The following GRIA2 variants were observed in gnomAD, a reference collection of about 807,000 sequenced individuals.
GRIA2 encodes glutamate receptor 2.
GRIA2 carries 14 observed loss-of-function variants against 97.3 expected under a neutral mutation model. The observed-to-expected ratio is 0.14, with a 90% CI of 0.10 to 0.23. GRIA2 has a LOEUF of 0.23. Among genes scored for constraint, GRIA2 ranks in the 10% least tolerant of loss-of-function variants. The probability of loss-of-function intolerance (pLI) is 1.00; values close to 1 mark genes in which losing one functional copy is unlikely to be tolerated. For missense variants in GRIA2, 558 were observed against 1,069.8 expected (o/e 0.52, Z 6.67); for synonymous variants, 412 against 387.8 (o/e 1.06, Z -0.73).
chr4:157,276,301 A>G (rs1455427195), intron 2 of GRIA2, among the ~76,000 whole-genome samples: 1 of 152,124 alleles, frequency 6.6e-6, no homozygotes, highest in African/African-American at 2.4e-5. Context: ...CATGGGTCAA[A>G]GAAGAAATCT....
intron 12 of GRIA2, among the ~76,000 whole-genome samples, chr4:157,353,658 G>A (rs1433198909): frequency 6.6e-6 from 1 of 152,008 alleles, no homozygotes; most frequent in African/African-American, 2.4e-5. Flanking sequence ...ACTCCAGCCT[G>A]GGCTACAGAG....
chr4:157,359,475 T>C (rs1401387229), intron 12 of GRIA2, among the ~76,000 whole-genome samples: 1 of 152,160 alleles, frequency 6.6e-6, no homozygotes, highest in Admixed American at 6.6e-5. Context: ...ACCACTTACA[T>C]GCCTGACCAA....
chr4:157,238,574 T>A (rs1730354150), intron 2 of GRIA2, among the ~76,000 whole-genome samples: 1 of 152,154 alleles, frequency 6.6e-6, no homozygotes, highest in Non-Finnish European at 1.5e-5. Flanking sequence ...ATTTGTAAAC[T>A]TCATAGCTTC....
chr4:157,335,093 T>C (rs1735221491), intron 9 of GRIA2: 1 of 154,844 alleles, frequency 6.5e-6, no homozygotes, highest in Non-Finnish European at 1.4e-5. Context: ...TCTCTAGCTA[T>C]CCTTGTAGCA....
At chr4:157,262,697 A>G (rs755923305) in intron 2 of GRIA2, among the ~76,000 whole-genome samples, 38 of 152,132 alleles carry the variant, frequency 2.5e-4, no homozygotes, top group Middle Eastern at 6.8e-3. Flanking sequence ...CTCTTGGTAT[A>G]TATTTATCTT....
rs963700568 is a variant in GRIA2 at position 157,341,280 on chromosome 4, A to G, written c.1861A>G (p.Ile621Val). Reference sequence around the variant, plus strand: ...TGTTATTAGATCCCTCTCTGGGCGCATTGTTGGAGGTGTGTGGTGGTTCTT... The same window carrying G: ...TGTTATTAGATCCCTCTCTGGGCGCGTTGTTGGAGGTGTGTGGTGGTTCTT... Reference protein sequence around the residue: ...DISPRSLSGRIVGGVWWFFTL... With the variant: ...DISPRSLSGRVVGGVWWFFTL... The change falls in exon 12 of 16, where the codon ATT becomes GTT. Residue 621 changes from isoleucine (I) to valine (V), a missense_variant. Physicochemically the swap from Ile to Val is conservative, Grantham distance 29. Around this residue, in one of 8 missense-constraint regions of GRIA2, gnomAD observed 125 missense variants for 310.2 expected, o/e 0.40. Transcript: ENST00000264426. The G allele has an allele frequency of 6.2e-7, 1 of 1,611,522 alleles. No homozygotes were observed. Among genetic ancestry groups the G allele is most frequent in the Non-Finnish European group, 8.5e-7 (1 of 1,178,002 alleles).
intron 2 of GRIA2, among the ~76,000 whole-genome samples, chr4:157,240,697 A>C (rs1579296693): frequency 6.8e-6 from 1 of 146,270 alleles, no homozygotes; most frequent in Non-Finnish European, 1.5e-5. Flanking sequence ...TCCTTAAGTT[A>C]CTTTCTTTTT....
intron 3 of GRIA2, among the ~76,000 whole-genome samples, chr4:157,312,442 A>G (rs1398407998): frequency 1.3e-5 from 2 of 152,126 alleles, no homozygotes; most frequent in Non-Finnish European, 2.9e-5. Flanking sequence ...ATTATTTTCT[A>G]CTCAAATAAT....
chr4:157,303,479 C>A, intron 2 of GRIA2, 73 bp from the exon 3 acceptor site: 1 of 1,263,046 alleles, frequency 7.9e-7, no homozygotes, highest in South Asian at 1.3e-5. Context: ...AAGGACATTA[C>A]GTTTTAAGCA....
intron 2 of GRIA2, among the ~76,000 whole-genome samples, chr4:157,222,623 C>G (rs994406940): frequency 2.0e-5 from 3 of 152,202 alleles, no homozygotes; most frequent in Non-Finnish European, 4.4e-5. Context: ...TAGCTGGGCT[C>G]CAGCAGAGGC....
Position 157,223,524 on chromosome 4 carries a change from A to G in GRIA2, c.229+1717A>G, listed in dbSNP as rs28550688. ...ACTTAATTAAAATTTGAAGACTTCTATATTTGACCTATTTACCTAACAGAT... is the reference window on the plus strand; with the variant it reads ...ACTTAATTAAAATTTGAAGACTTCTGTATTTGACCTATTTACCTAACAGAT... On this transcript the variant is annotated intron_variant, in intron 2 of 15. Transcript: ENST00000264426. Among the ~76,000 whole-genome samples, 1,432 of 152,310 alleles carry G rather than the reference A, an allele frequency of 9.4e-3. 30 individuals are homozygous for G. Among genetic ancestry groups the G allele is most frequent in the African/African-American group, 0.033 (1,356 of 41,548 alleles).
intron 12 of GRIA2, among the ~76,000 whole-genome samples, chr4:157,355,941 TA>T (rs1736301325): frequency 8.6e-5 from 1 of 11,588 alleles, no homozygotes; most frequent in East Asian, 6.5e-3. Context: ...ATTTATATAT[TA>T]ATATATATTT....
intron 2 of GRIA2, among the ~76,000 whole-genome samples, chr4:157,237,370 C>T (rs1194217658): frequency 6.6e-6 from 1 of 151,248 alleles, no homozygotes; most frequent in African/African-American, 2.4e-5. Context: ...TCATGGCTCA[C>T]TGTAACCGCA....
chr4:157,240,089 C>A (rs1410820706), intron 2 of GRIA2, among the ~76,000 whole-genome samples: 1 of 152,006 alleles, frequency 6.6e-6, no homozygotes, highest in Non-Finnish European at 1.5e-5. Flanking sequence ...AATACATTTT[C>A]TTTATTACTT....
chr4:157,256,799 G>T (rs1239817531), intron 2 of GRIA2, among the ~76,000 whole-genome samples: 2 of 151,904 alleles, frequency 1.3e-5, no homozygotes, highest in South Asian at 2.1e-4. Context: ...GTGACATCTG[G>T]ATATCTAGAA....
chr4:157,292,969 C>T (rs1733173743), intron 2 of GRIA2, among the ~76,000 whole-genome samples: 1 of 151,954 alleles, frequency 6.6e-6, no homozygotes. Context: ...TGCGTACTGT[C>T]AAGAGTACAA....
rs371051471 is a variant in GRIA2 at position 157,309,548 on chromosome 4, C to T, written c.470-3131C>T. ...TATATTTTTAGTAGAGATGGGGTTT[C>T]GCCATGTTGGCCAGGCTGATCTTGA... On this transcript the variant is annotated intron_variant, in intron 3 of 15. Coordinates refer to ENST00000264426, the MANE Select transcript of GRIA2 (RefSeq NM_001083619.3). 6.2e-4 allele frequency among the ~76,000 whole-genome samples: 94 copies of T among 152,064 alleles called. No individual in the cohort carries two copies. The East Asian group carries it at 0.011, about 17-fold the overall frequency.
chr4:157,262,531 G>A (rs1210655547), intron 2 of GRIA2, among the ~76,000 whole-genome samples: 1 of 151,974 alleles, frequency 6.6e-6, no homozygotes, highest in East Asian at 1.9e-4. Flanking sequence ...TAGACTTAGA[G>A]GGCATCAGGA....
rs1004088617 is a variant in GRIA2 at position 157,220,838 on chromosome 4, G to C, written c.-205G>C. 1.7e-6 allele frequency: 1 copy of C among 580,386 alleles called. No individual in the cohort carries two copies. Among genetic ancestry groups the C allele is most frequent in the African/African-American group, 1.9e-5 (1 of 53,190 alleles). The allele number at this position is 580,386 out of a possible 1,614,324, so 36.0% of individuals were successfully genotyped here. On this transcript the variant is annotated 5_prime_UTR_variant, in exon 1 of 16. Transcript: ENST00000264426. The stretch of plus-strand genomic sequence containing the variant: ...CAGTCCTCCGGACTTCTGGAGCGGG[G>C]ACAGGGCGCAGGGCATCAGCAGCCA...
Sources: gnomAD v4.1 joint callset for allele counts (sites outside exome capture counted in the v4.1 genomes callset) on GRCh38, gnomAD v4.1.1 for gene constraint, gnomAD v4.1.1 regional missense constraint, MANE v1.5 for transcripts, NCBI Gene and HGNC (gene_info 2026-07-23, HGNC 2026-07-21) for gene names.